Variants in NUP107 observed in about 807,000 individuals in gnomAD.
NUP107 encodes the protein nucleoporin 107.
A neutral mutation model predicts 141.0 loss-of-function variants in NUP107; 101 were observed. The observed-to-expected ratio is 0.72, with a 90% CI of 0.61 to 0.84. The LOEUF (loss-of-function observed/expected upper bound fraction) is 0.84, where lower values mean the gene tolerates loss of function less well. Among genes scored for constraint, NUP107 ranks in the 40% least tolerant of loss-of-function variants. The pLI is 0.00. For missense variants in NUP107, 941 were observed against 1,102.7 expected (o/e 0.85, Z 2.08); for synonymous variants, 319 against 363.9 (o/e 0.88, Z 1.41).
chr12:68,714,972 C>G (rs1281831510), intron 11 of NUP107, among the ~76,000 whole-genome samples: 1 of 152,170 alleles, frequency 6.6e-6, no homozygotes, highest in Non-Finnish European at 1.5e-5. Flanking sequence ...AGGTCTAATT[C>G]TATTTAAACT....
chr12:68,690,595 C>A, intron 3 of NUP107, 36 bp from the exon 4 acceptor site: 1 of 1,613,634 alleles, frequency 6.2e-7, no homozygotes, highest in Non-Finnish European at 8.5e-7. Flanking sequence ...AATGCTCACG[C>A]ACTTTAGGTT....
At chr12:68,707,070 G>A in intron 8 of NUP107, 1 of 574,194 alleles carries the variant, frequency 1.7e-6, no homozygotes, top group South Asian at 2.0e-5. Flanking sequence ...CTGACCAAGT[G>A]AACAGCCGTG....
intron 12 of NUP107, among the ~76,000 whole-genome samples, chr12:68,718,774 A>G (rs1877217947): frequency 6.6e-6 from 1 of 152,286 alleles, no homozygotes; most frequent in South Asian, 2.1e-4. Context: ...CTACAAAAAA[A>G]TTTAAAAAAG....
chr12:68,711,124 G>A (rs1043494609), intron 10 of NUP107, among the ~76,000 whole-genome samples: 15 of 151,888 alleles, frequency 9.9e-5, no homozygotes, highest in African/African-American at 3.6e-4. Flanking sequence ...GCGTGGTGGC[G>A]GGCGGATCAC....
At chr12:68,719,303 C>T in intron 12 of NUP107, 38 bp from the exon 13 acceptor site, 2 of 1,498,290 alleles carry the variant, frequency 1.3e-6, no homozygotes, top group Middle Eastern at 1.7e-4. Flanking sequence ...ATAAAGCACC[C>T]TGGTTATTGG....
chr12:68,709,350 G>T, intron 9 of NUP107, 41 bp downstream of exon 9: 1 of 1,235,064 alleles, frequency 8.1e-7, no homozygotes, highest in South Asian at 1.3e-5. Context: ...GAAACATGGA[G>T]AAAAGGTTAA....
intron 10 of NUP107, among the ~76,000 whole-genome samples, chr12:68,712,202 G>A (rs1265061428): frequency 6.6e-6 from 1 of 152,022 alleles, no homozygotes; most frequent in African/African-American, 2.4e-5. Context: ...TCAGATTGCG[G>A]GCAGGTACAG....
At chr12:68,710,712 TAAAA>T (rs904132950) in intron 10 of NUP107, among the ~76,000 whole-genome samples, 9 of 144,150 alleles carry the variant, frequency 6.2e-5, no homozygotes, top group Non-Finnish European at 1.1e-4. Flanking sequence ...AATAACAAGA[TAAAA>T]AAAGTAATAC....
chr12:68,718,067 C>A (rs1283832327), intron 12 of NUP107, among the ~76,000 whole-genome samples: 4 of 152,122 alleles, frequency 2.6e-5, no homozygotes, highest in Non-Finnish European at 2.9e-5. Flanking sequence ...TCCAGGAACT[C>A]CAAAGATATC....
chr12:68,703,506 A>G (rs1167619096), intron 8 of NUP107, among the ~76,000 whole-genome samples: 1 of 151,294 alleles, frequency 6.6e-6, no homozygotes, highest in Non-Finnish European at 1.5e-5. Context: ...GTTGGAGTGC[A>G]GTGGCACGAT....
In NUP107 at chr12:68,718,890, G is replaced by GTATT. The variant is rs1555178170; in HGVS notation, c.1084-444_1084-441dup. ...TGTATGTATGTATGTATGTATGTAT[G>GTATT]TATTTATTTAGTTTTTGAGACAGGG... On this transcript the variant is annotated intron_variant, in intron 12 of 27. Transcript: ENST00000229179. Among the ~76,000 whole-genome samples the GTATT allele has an allele frequency of 5.1e-3, 673 of 131,710 alleles. 8 individuals are homozygous for GTATT. The highest frequency in any genetic ancestry group is 0.017 in the African/African-American group (629 of 37,116). 86.4% of individuals were successfully genotyped at this position (131,710 alleles called of 152,430 possible). A position where few individuals can be genotyped will look rare whatever the true frequency, so the allele number is the denominator to read the frequency against.
intron 8 of NUP107, among the ~76,000 whole-genome samples, chr12:68,704,735 G>A (rs1192326316): frequency 1.3e-5 from 2 of 151,990 alleles, no homozygotes; most frequent in African/African-American, 4.8e-5. Flanking sequence ...GATTACAGAC[G>A]TGAGCCACCG....
intron 6 of NUP107, 120 bp from the exon 7 acceptor site, chr12:68,700,606 G>A: frequency 1.8e-6 from 1 of 560,804 alleles, no homozygotes; most frequent in Non-Finnish European, 2.8e-6. Flanking sequence ...AATAGAGAAG[G>A]CAATTTTATA....
chr12:68,727,406 T>A lies in NUP107; in HGVS notation c.1734+17T>A, dbSNP rs1383105938. On this transcript the variant is annotated intron_variant, in intron 20 of 27. Transcript: ENST00000229179. ...TACATACAGGTAAACTTTGAGAACC[T>A]ACAACCTGATTGTTTTTTACTATTT... 1 of 1,404,776 alleles carries A rather than the reference T, an allele frequency of 7.1e-7. No individual in the cohort carries two copies. The allele number at this position is 1,404,776 out of a possible 1,614,324, so 87.0% of individuals were successfully genotyped here.
rs1286357821 is a variant in NUP107, at chr12:68,743,332, G to A, written c.*870G>A. 1 of 152,344 alleles carries A rather than the reference G, an allele frequency of 6.6e-6. No homozygotes were observed. Among genetic ancestry groups the A allele is most frequent in the Non-Finnish European group, 1.5e-5 (1 of 68,196 alleles). The allele number at this position is 152,344 out of a possible 1,614,324, so 9.4% of individuals were successfully genotyped here. On this transcript the variant is annotated 3_prime_UTR_variant, in exon 28 of 28. Transcript: ENST00000229179. ...CATGAGAATCTCTTGAACCTGGAAG[G>A]CAGAGGTTGCAGTGAGCCGAGATCA...
At chr12:68,711,234 C>G (rs1377690608) in intron 10 of NUP107, among the ~76,000 whole-genome samples, 2 of 152,064 alleles carry the variant, frequency 1.3e-5, no homozygotes, top group African/African-American at 4.8e-5. Flanking sequence ...GCCTGTAGTC[C>G]CAGCTACTTG....
At chr12:68,728,795 TAAGG>T (rs1413233701) in intron 20 of NUP107, among the ~76,000 whole-genome samples, 2 of 151,072 alleles carry the variant, frequency 1.3e-5, no homozygotes, top group African/African-American at 2.4e-5. Context: ...ATAAAAATCA[TAAGG>T]AAGAGAAACT....
intron 20 of NUP107, among the ~76,000 whole-genome samples, chr12:68,730,824 G>T (rs1877791511): frequency 6.6e-6 from 1 of 152,096 alleles, no homozygotes; most frequent in Admixed American, 6.5e-5. Flanking sequence ...CAAAAAATTA[G>T]CAGGGCATAG....
chr12:68,737,151 G>A (rs1234653438), intron 26 of NUP107, among the ~76,000 whole-genome samples: 1 of 152,140 alleles, frequency 6.6e-6, no homozygotes, highest in Non-Finnish European at 1.5e-5. Context: ...TGCTAATTAA[G>A]TGTCACTTAA....
Sources: allele counts gnomAD v4.1 joint callset (sites outside exome capture counted in the v4.1 genomes callset), GRCh38; gene constraint gnomAD v4.1.1; transcripts MANE v1.5; gene names NCBI Gene and HGNC (gene_info 2026-07-23, HGNC 2026-07-21).